Variants in GSE1 observed in about 807,000 individuals in gnomAD.
GSE1 encodes genetic suppressor element 1.
In GSE1, 32 loss-of-function variants were observed where a neutral mutation model predicts 112.6. That is an observed-to-expected ratio of 0.28 (90% CI 0.21 to 0.38). The LOEUF is 0.38. Among genes scored for constraint, GSE1 ranks in the 10% least tolerant of loss-of-function variants. GSE1 has a pLI of 1.00. For synonymous variants in GSE1, 1,115 were observed against 735.6 expected, an observed-to-expected ratio of 1.52 and a Z score of -8.35; for missense variants, 2,348 against 1,699.2, an observed-to-expected ratio of 1.38 and a Z score of -6.71.
Position 85,672,393 on chromosome 16 carries a change from C to T in GSE1, c.3520-12C>T, listed in dbSNP as rs569140739. 6.2e-7 allele frequency: 1 copy of T among 1,605,244 alleles called. No homozygotes were observed. The highest frequency in any genetic ancestry group is 1.1e-5 in the South Asian group (1 of 90,592). On this transcript the variant is annotated splice_polypyrimidine_tract_variant and intron_variant, in intron 15 of 15. Transcript: ENST00000253458. ...AACGGGTTGGTTTTGACACAAATTT[C>T]CCTCTCTCCAGGAGTTGAGGAGCCA...
chr16:85,612,667 G>T (rs1192722069), upstream of GSE1, among the ~76,000 whole-genome samples: 1 of 144,138 alleles, frequency 6.9e-6, no homozygotes, highest in East Asian at 2.3e-4. Context: ...TTAGTATTCA[G>T]CCTTTTCTAG....
intron 1 of GSE1, among the ~76,000 whole-genome samples, chr16:85,201,669 C>T: frequency 6.6e-6 from 1 of 151,720 alleles, no homozygotes; most frequent in East Asian, 1.9e-4. Flanking sequence ...AAAACAACAA[C>T]AAAAAAAGCC....
chr16:85,294,327 C>CTGT (rs1259405244), intron 1 of GSE1, among the ~76,000 whole-genome samples: 2 of 152,230 alleles, frequency 1.3e-5, no homozygotes, highest in African/African-American at 4.8e-5. Context: ...CACATGGAAC[C>CTGT]TGTACCCTCT....
At chr16:85,213,656 C>G (rs755708512) in intron 1 of GSE1, among the ~76,000 whole-genome samples, 51 of 152,248 alleles carry the variant, frequency 3.3e-4, no homozygotes, top group Non-Finnish European at 6.9e-4. Context: ...GCAGGCTCTG[C>G]TGTGTGAGGA....
intron 1 of GSE1, among the ~76,000 whole-genome samples, chr16:85,242,860 G>C (rs1259713741): frequency 6.6e-6 from 1 of 152,130 alleles, no homozygotes; most frequent in Admixed American, 6.6e-5. Context: ...CATCTAGGCT[G>C]GAGTGCAGTA....
rs533325944 is a variant in GSE1 at position 85,357,408 on chromosome 16, A to C, written c.2284-55A>C. The C allele has an allele frequency of 2.0e-4, 216 of 1,082,388 alleles. 1 individual carries two copies. Among genetic ancestry groups the C allele is most frequent in the South Asian group, 9.5e-4 (54 of 57,142 alleles). 67.0% of individuals were successfully genotyped at this position (1,082,388 alleles called of 1,614,324 possible). ...CTATGGCCAGAGAGTCCATTCATGCATCATCCCCTGCAGGCATGGCCCAGG... is the reference window on the plus strand; with the variant it reads ...CTATGGCCAGAGAGTCCATTCATGCCTCATCCCCTGCAGGCATGGCCCAGG... On this transcript the variant is annotated intron_variant, in intron 1 of 2. Transcript: ENST00000637419.
chr16:85,171,009 C>T, exon 1 of GSE1: 1 of 985,560 alleles, frequency 1.0e-6, no homozygotes, highest in Non-Finnish European at 1.2e-6. Flanking sequence ...CCCGGGCGGT[C>T]CCCTCCAGGA....
At chr16:85,646,343 C>T (rs1258731756) in intron 2 of GSE1, among the ~76,000 whole-genome samples, 1 of 152,276 alleles carries the variant, frequency 6.6e-6, no homozygotes, top group Non-Finnish European at 1.5e-5. Context: ...TACCACACCT[C>T]CTCAGATGGC....
intron 1 of GSE1, among the ~76,000 whole-genome samples, chr16:85,606,015 A>G (rs1353284100): frequency 6.6e-6 from 1 of 152,126 alleles, no homozygotes; most frequent in African/African-American, 2.4e-5. Flanking sequence ...CATCATTGAA[A>G]GCTACCCATG....
At chr16:85,507,991 G>A (rs779108189) in intron 2 of GSE1, among the ~76,000 whole-genome samples, 68 of 152,122 alleles carry the variant, frequency 4.5e-4, no homozygotes, top group Non-Finnish European at 7.1e-4. Flanking sequence ...GCCCCCTGTG[G>A]CCCCCTGCCG....
At chr16:85,411,117 C>CT (rs1159762459) in intron 2 of GSE1, among the ~76,000 whole-genome samples, 4 of 119,968 alleles carry the variant, frequency 3.3e-5, no homozygotes, top group Admixed American at 8.8e-5. Flanking sequence ...TCAGGCCCCC[C>CT]GGATAATCCT....
intron 1 of GSE1, among the ~76,000 whole-genome samples, chr16:85,317,322 G>A (rs983522902): frequency 2.0e-5 from 3 of 152,126 alleles, no homozygotes; most frequent in Admixed American, 6.5e-5. Context: ...CCTGTAGAAC[G>A]TCGATAGCCC....
chr16:85,601,753 C>T (rs1036708977), intron 1 of GSE1, among the ~76,000 whole-genome samples: 5 of 152,148 alleles, frequency 3.3e-5, no homozygotes, highest in African/African-American at 7.2e-5. Flanking sequence ...TCCTTGCAGC[C>T]GACGTGAGCT....
intron 1 of GSE1, chr16:85,207,787 C>T (rs1268137524): frequency 2.0e-5 from 3 of 152,314 alleles, no homozygotes; most frequent in Admixed American, 6.5e-5. Context: ...CACTGATTCA[C>T]TCACACACCC....
At chr16:85,273,863 A>ATT (rs1399628119) in intron 1 of GSE1, among the ~76,000 whole-genome samples, 56 of 138,936 alleles carry the variant, frequency 4.0e-4, no homozygotes, top group African/African-American at 1.4e-3. Context: ...CTAATTTTGT[A>ATT]TTTTTTTTTT....
chr16:85,442,629 A>G (rs1751816987), intron 2 of GSE1, among the ~76,000 whole-genome samples: 1 of 152,070 alleles, frequency 6.6e-6, no homozygotes, highest in Non-Finnish European at 1.5e-5. Flanking sequence ...CTGCTGTTAG[A>G]TTTTGTGCCT....
chr16:85,579,269 C>T (rs1164408933), intron 1 of GSE1, among the ~76,000 whole-genome samples: 1 of 152,102 alleles, frequency 6.6e-6, no homozygotes, highest in Non-Finnish European at 1.5e-5. Context: ...GGCGGGGCTT[C>T]TGCCTGGAGG....
intron 1 of GSE1, among the ~76,000 whole-genome samples, chr16:85,223,169 C>T (rs183123074): frequency 9.8e-5 from 15 of 152,306 alleles, no homozygotes; most frequent in Admixed American, 5.9e-4. Flanking sequence ...AAATCCTACA[C>T]GCTCCTGAAT....
At chr16:85,245,266 C>T (rs1442127054) in intron 1 of GSE1, among the ~76,000 whole-genome samples, 1 of 152,232 alleles carries the variant, frequency 6.6e-6, no homozygotes, top group African/African-American at 2.4e-5. Flanking sequence ...TATCTCTCAG[C>T]CGCAGCCCTT....
Sources: allele counts gnomAD v4.1 joint callset (sites outside exome capture counted in the v4.1 genomes callset), GRCh38; gene constraint gnomAD v4.1.1; transcripts MANE v1.5; gene names NCBI Gene and HGNC (gene_info 2026-07-23, HGNC 2026-07-21).